The following TBC1D5 variants were observed in gnomAD, a reference collection of about 807,000 sequenced individuals.
The protein encoded by TBC1D5 is TBC1 domain family member 5, also known as TBC1 domain family, member 5.
A neutral mutation model predicts 100.3 loss-of-function variants in TBC1D5; 75 were observed. That is an observed-to-expected ratio of 0.75 (90% CI 0.62 to 0.91). TBC1D5 has a LOEUF of 0.91. TBC1D5 is among the 40% of genes least tolerant of loss of function. The pLI, the probability that TBC1D5 is intolerant of heterozygous loss-of-function variation, is 0.00. For missense variants in TBC1D5, 910 were observed against 942.4 expected (o/e 0.97, Z 0.45); for synonymous variants, 323 against 325.6 (o/e 0.99, Z 0.09).
chr3:17,187,948 G>T (rs1439538485), intron 18 of TBC1D5, among the ~76,000 whole-genome samples: 1 of 152,204 alleles, frequency 6.6e-6, no homozygotes, highest in Non-Finnish European at 1.5e-5. Context: ...AAAAGCCGTT[G>T]GGAGCTTTGA....
intron 2 of TBC1D5, among the ~76,000 whole-genome samples, chr3:17,568,086 C>T (rs1032466251): frequency 2.0e-4 from 31 of 151,524 alleles, no homozygotes; most frequent in Non-Finnish European, 4.1e-4. Context: ...AGAATGGCAA[C>T]GTAAAAGGTG....
At position 17,289,921 on chromosome 3, in the gene TBC1D5, A is replaced by C. The variant is rs181929432; in HGVS notation, c.1245+1974T>G. 1.2e-4 allele frequency among the ~76,000 whole-genome samples: 18 copies of C among 152,334 alleles called. No homozygotes were observed. The East Asian group carries it at 3.5e-3, about 29-fold the overall frequency. On this transcript the variant is annotated intron_variant, in intron 15 of 21. Transcript: ENST00000253692. ...TAAAATCTGTAAAATGATGTTAATG[A>C]GTCAGCCACATATACACTTAACTAT...
chr3:17,690,204 ATTTTTTTTTTTTTTT>A lies in TBC1D5; in HGVS notation c.-101+49124_-101+49138del, dbSNP rs1199260338. 1.3e-4 allele frequency among the ~76,000 whole-genome samples: 6 copies of A among 47,030 alleles called. 2 individuals are homozygous for A. The highest frequency in any genetic ancestry group is 1.1e-3 in the Admixed American group (4 of 3,506). The allele number at this position is 47,030 out of a possible 152,430, so 30.9% of individuals were successfully genotyped here. ...AGAACTGAAGCATAAAAATAGCCAT[ATTTTTTTTTTTTTTT>A]TTTTTTTTTTTTTTTGAGACGGAGT... On this transcript the variant is annotated intron_variant, in intron 1 of 21. Coordinates refer to ENST00000253692, the Ensembl canonical transcript of TBC1D5.
chr3:17,224,957 T>A (rs902694853), intron 17 of TBC1D5, among the ~76,000 whole-genome samples: 5 of 152,138 alleles, frequency 3.3e-5, no homozygotes, highest in African/African-American at 1.2e-4. Context: ...AAAACATATG[T>A]TTCTCCTCAA....
At position 17,344,631 on chromosome 3, in the gene TBC1D5, G is replaced by A. The variant is rs189668987; in HGVS notation, c.995+27444C>T. Among the ~76,000 whole-genome samples the A allele has an allele frequency of 2.0e-4, 31 of 152,234 alleles. 1 individual carries two copies. The highest frequency in any genetic ancestry group is 9.7e-4 in the East Asian group (5 of 5,174). ...CAAGTCAATCCTAAGCCAAAAGAAC[G>A]AAGCTGGAGGCATCATGCTACCTGA... On this transcript the variant is annotated intron_variant, in intron 13 of 21. Transcript: ENST00000253692.
rs75776257 is a variant in TBC1D5 at position 17,328,033 on chromosome 3, G to A, written c.996-19899C>T. Among the ~76,000 whole-genome samples the A allele has an allele frequency of 3.4e-3, 520 of 152,194 alleles. 2 individuals carry two copies. The highest frequency in any genetic ancestry group is 0.012 in the African/African-American group (506 of 41,538). On this transcript the variant is annotated intron_variant, in intron 13 of 21. Coordinates refer to ENST00000253692, the Ensembl canonical transcript of TBC1D5. ...CCTGTAATTCCAGCACTTTTGAGAG[G>A]CCAAGATGGGGGGATAGCTTAAGGC... is the stretch of plus-strand genomic sequence containing the variant.
intron 1 of TBC1D5, among the ~76,000 whole-genome samples, chr3:17,667,692 TCTA>T: frequency 6.6e-6 from 1 of 152,058 alleles, no homozygotes; most frequent in South Asian, 2.1e-4. Flanking sequence ...GCTCAAGCTA[TCTA>T]CCCGCCTCAA....
At chr3:17,500,941 G>A (rs1371794692) in intron 3 of TBC1D5, among the ~76,000 whole-genome samples, 1 of 149,266 alleles carries the variant, frequency 6.7e-6, no homozygotes, top group Non-Finnish European at 1.5e-5. Context: ...TAATTTAGAG[G>A]AACTAGGCTT....
chr3:17,384,572 G>T (rs759835773), intron 8 of TBC1D5, among the ~76,000 whole-genome samples: 39 of 151,866 alleles, frequency 2.6e-4, no homozygotes, highest in South Asian at 4.2e-4. Context: ...AATACACAAT[G>T]AATGTATAAG....
At chr3:17,220,437 C>T (rs1443606083) in intron 17 of TBC1D5, among the ~76,000 whole-genome samples, 4 of 151,988 alleles carry the variant, frequency 2.6e-5, no homozygotes, top group Non-Finnish European at 5.9e-5. Context: ...TTTTACAGCC[C>T]GCTTTAAGGT....
intron 2 of TBC1D5, among the ~76,000 whole-genome samples, chr3:17,542,625 T>C (rs1194735426): frequency 6.6e-6 from 1 of 152,252 alleles, no homozygotes; most frequent in Non-Finnish European, 1.5e-5. Context: ...TAGGCTGAAG[T>C]AGTTTCCATC....
intron 3 of TBC1D5, among the ~76,000 whole-genome samples, chr3:17,429,909 C>G (rs2094416746): frequency 1.3e-5 from 2 of 151,548 alleles, no homozygotes; most frequent in Non-Finnish European, 3.0e-5. Context: ...AAATATTGTT[C>G]CAGTTTATTT....
At chr3:17,380,189 G>C (rs2092890942) in intron 9 of TBC1D5, among the ~76,000 whole-genome samples, 1 of 151,728 alleles carries the variant, frequency 6.6e-6, no homozygotes, top group Non-Finnish European at 1.5e-5. Flanking sequence ...TATCCACATA[G>C]TGAAAAAAGC....
chr3:17,640,015 C>G (rs2064341881), intron 1 of TBC1D5, among the ~76,000 whole-genome samples: 2 of 152,176 alleles, frequency 1.3e-5, no homozygotes, highest in Admixed American at 1.3e-4. Context: ...CTATACTTAG[C>G]TAAGAGCACA....
intron 3 of TBC1D5, among the ~76,000 whole-genome samples, chr3:17,499,062 AGT>A (rs2095751518): frequency 6.6e-6 from 1 of 152,166 alleles, no homozygotes; most frequent in African/African-American, 2.4e-5. Context: ...GATTTCCCAG[AGT>A]AAAGTTTAAT....
Position 17,299,914 on chromosome 3 carries a change from T to C in TBC1D5, c.1139-7913A>G, listed in dbSNP as rs1284863069. On this transcript the variant is annotated intron_variant, in intron 14 of 21. Transcript: ENST00000253692. Reference sequence around the variant, plus strand: ...TCATTCTGATGTGGGATGGTGATAGTGGGGGAGAATATGGGTATCTGGGGG... The same window carrying C: ...TCATTCTGATGTGGGATGGTGATAGCGGGGGAGAATATGGGTATCTGGGGG... Among the ~76,000 whole-genome samples the C allele has an allele frequency of 3.0e-5, 4 of 132,238 alleles. No individual in the cohort carries two copies. The Admixed American group carries it at 3.1e-4, about 10-fold the overall frequency. The allele number at this position is 132,238 out of a possible 152,430, so 86.8% of individuals were successfully genotyped here.
At chr3:17,592,954 C>G (rs114334746) in intron 2 of TBC1D5, among the ~76,000 whole-genome samples, 2,521 of 152,278 alleles carry the variant, frequency 0.017, 52 homozygotes, top group South Asian at 0.048. Context: ...CTATTGTGAA[C>G]TGGGTGCTTT....
In TBC1D5 at chr3:17,405,365, A is replaced by G. The variant is rs563440353; in HGVS notation, c.277-404T>C. On this transcript the variant is annotated intron_variant, in intron 5 of 21. Transcript: ENST00000253692. ...ACATTTAAGGTTTTGTTTTAAAACA[A>G]GCTGGTAAAAGTTAGTGAACAACAG... Among the ~76,000 whole-genome samples the G allele has an allele frequency of 1.6e-3, 240 of 152,210 alleles. 2 individuals are homozygous for G. Among genetic ancestry groups the G allele is most frequent in the African/African-American group, 5.6e-3 (233 of 41,578 alleles).
intron 1 of TBC1D5, among the ~76,000 whole-genome samples, chr3:17,667,173 A>T (rs1443170062): frequency 6.6e-6 from 1 of 152,202 alleles, no homozygotes; most frequent in Non-Finnish European, 1.5e-5. Flanking sequence ...GTGTTTTAAA[A>T]ACAAGCCTAC....
Sources: allele counts gnomAD v4.1 joint callset (sites outside exome capture counted in the v4.1 genomes callset), GRCh38; gene constraint gnomAD v4.1.1; transcripts MANE v1.5; gene names NCBI Gene and HGNC (gene_info 2026-07-23, HGNC 2026-07-21).